The following SERPINB5 variants were observed in gnomAD, a reference collection of about 807,000 sequenced individuals.
SERPINB5 encodes serpin B5.
In SERPINB5, 27 loss-of-function variants were observed where a neutral mutation model predicts 32.2. That is an observed-to-expected ratio of 0.84 (90% CI 0.62 to 1.16). The LOEUF is 1.16. SERPINB5 is among the 50% of genes most tolerant of loss of function. SERPINB5 has a pLI of 0.00. For synonymous variants in SERPINB5, 154 were observed against 157.4 expected (o/e 0.98, Z 0.16); for missense variants, 388 against 436.3 (o/e 0.89, Z 0.99).
chr18:63,482,966 T>C (rs1431084990), intron 1 of SERPINB5, among the ~76,000 whole-genome samples: 1 of 152,128 alleles, frequency 6.6e-6, no homozygotes, highest in Admixed American at 6.5e-5. Flanking sequence ...AGAAGGGATG[T>C]CATATAGCCT....
chr18:63,481,806 A>G (rs1265966758), intron 1 of SERPINB5, among the ~76,000 whole-genome samples: 1 of 152,112 alleles, frequency 6.6e-6, no homozygotes, highest in Non-Finnish European at 1.5e-5. Context: ...GCCTCAGTAT[A>G]CCCTGCTGAC....
intron 5 of SERPINB5, chr18:63,497,501 A>G (rs1909476702): frequency 6.8e-6 from 2 of 292,926 alleles, no homozygotes; most frequent in South Asian, 5.2e-5. Flanking sequence ...ACGTTTCTGA[A>G]AAAAAAAAAA....
chr18:63,490,992 A>T (rs1909321477), intron 4 of SERPINB5, among the ~76,000 whole-genome samples: 1 of 151,880 alleles, frequency 6.6e-6, no homozygotes. Context: ...CTCTTCCCCC[A>T]CCCCACAAAG....
rs532565445 is a variant in SERPINB5, at chr18:63,493,273, G to GC, written c.567+185dup. 739 of 732,340 alleles carry GC rather than the reference G, an allele frequency of 1.0e-3. 6 individuals are homozygous for GC. The South Asian group carries it at 0.011, about 11-fold the overall frequency. The allele number at this position is 732,340 out of a possible 1,614,324, so 45.4% of individuals were successfully genotyped here. ...GTACAAAAAGAGCCAGAATCCAGAG[G>GC]CCCCCCCTCCTCTTTTCCATAATGT... On this transcript the variant is annotated intron_variant, in intron 5 of 6. Coordinates refer to ENST00000382771, the MANE Select transcript of SERPINB5 (RefSeq NM_002639.5).
Position 63,503,247 on chromosome 18 carries a change from T to C in SERPINB5, c.736-83T>C, listed in dbSNP as rs1909605940. 13 of 1,448,678 alleles carry C rather than the reference T, an allele frequency of 9.0e-6. No individual in the cohort carries two copies. The South Asian group carries it at 1.7e-4, about 19-fold the overall frequency. 89.7% of individuals were successfully genotyped at this position (1,448,678 alleles called of 1,614,324 possible). ...GACTGCTTTGAAGCTGGGCTTATCA[T>C]AACACCTTATGTTTTCAATTGAGCC... On this transcript the variant is annotated intron_variant, in intron 6 of 6. Coordinates refer to ENST00000382771, the MANE Select transcript of SERPINB5 (RefSeq NM_002639.5).
intron 1 of SERPINB5, among the ~76,000 whole-genome samples, chr18:63,481,291 A>G (rs547515619): frequency 1.3e-5 from 2 of 152,364 alleles, no homozygotes; most frequent in East Asian, 3.9e-4. Context: ...TCTCCTCACC[A>G]TTTGATCCAC....
chr18:63,497,279 A>T, intron 5 of SERPINB5: 1 of 1,129,110 alleles, frequency 8.9e-7, no homozygotes, highest in South Asian at 1.2e-5. Flanking sequence ...ATCATTGGTT[A>T]TTCCAGGAAC....
chr18:63,487,299 G>T (rs542580462), intron 3 of SERPINB5, among the ~76,000 whole-genome samples: 2 of 152,226 alleles, frequency 1.3e-5, no homozygotes, highest in Non-Finnish European at 2.9e-5. Context: ...AAGCTTATGG[G>T]CTTTCCTTTT....
At chr18:63,485,419 T>C (rs1353334299) in intron 2 of SERPINB5, among the ~76,000 whole-genome samples, 2 of 152,228 alleles carry the variant, frequency 1.3e-5, no homozygotes. Flanking sequence ...TATTAGCTCA[T>C]AAGCATTTAA....
rs372076697 is a variant in SERPINB5 at position 63,487,048 on chromosome 18, C to A, written c.271C>A (p.Arg91=). The A allele has an allele frequency of 5.1e-5, 82 of 1,613,906 alleles. 1 individual carries two copies. In the Admixed American group the frequency reaches 5.2e-4, roughly 10 times the overall value. The change falls in exon 3 of 7, where the codon CGG becomes AGG. Residue 91 remains arginine (R), a synonymous_variant. Coordinates refer to ENST00000382771, the MANE Select transcript of SERPINB5 (RefSeq NM_002639.5). ...CTTTTACTCACTGAAACTAATCAAG[C>A]GGCTCTACGTAGACAAATCTCTGAA... The part of the protein sequence containing the change: ...SSFYSLKLIK[R]LYVDKSLNLS...
chr18:63,495,718 A>G (rs1477676331), intron 5 of SERPINB5, among the ~76,000 whole-genome samples: 2 of 152,250 alleles, frequency 1.3e-5, no homozygotes, highest in Non-Finnish European at 2.9e-5. Context: ...CTATTAAATC[A>G]TAAAGCTGGG....
chr18:63,498,260 T>C lies in SERPINB5; in HGVS notation c.568-860T>C, dbSNP rs1372363645. Among the ~76,000 whole-genome samples the C allele has an allele frequency of 6.6e-6, 1 of 152,124 alleles. No individual in the cohort carries two copies. The highest frequency in any genetic ancestry group is 1.5e-5 in the Non-Finnish European group (1 of 68,022). ...GTGTGCCACCATGCCTGGCTGACTT[T>C]TGTATTTTTTAGTAGAGACAAGGTT... On this transcript the variant is annotated intron_variant, in intron 5 of 6. Coordinates refer to ENST00000382771, the MANE Select transcript of SERPINB5 (RefSeq NM_002639.5). This position sits in a 1 kb window ranked among gnomAD's most constrained non-coding sequence, Gnocchi z 4.2.
In SERPINB5 at chr18:63,498,205, T is replaced by C. The variant is rs1909490528; in HGVS notation, c.568-915T>C. ...CCCAGGCTCAAGCAATTCTCCTCCCTCAGTTTCCCAAGAAGCTGAGATTAC... is the reference window on the plus strand; with the variant it reads ...CCCAGGCTCAAGCAATTCTCCTCCCCCAGTTTCCCAAGAAGCTGAGATTAC... On this transcript the variant is annotated intron_variant, in intron 5 of 6. Transcript: ENST00000382771. This position sits in a 1 kb window ranked among gnomAD's most constrained non-coding sequence, Gnocchi z 4.2. 6.6e-6 allele frequency among the ~76,000 whole-genome samples: 1 copy of C among 152,164 alleles called. No individual in the cohort carries two copies. Among genetic ancestry groups the C allele is most frequent in the African/African-American group, 2.4e-5 (1 of 41,434 alleles).
Position 63,487,064 on chromosome 18 carries a change from A to T in SERPINB5, c.287A>T (p.Lys96Ile), listed in dbSNP as rs1347729626. 6.2e-7 allele frequency: 1 copy of T among 1,613,650 alleles called. No homozygotes were observed. The highest frequency in any genetic ancestry group is 1.7e-5 in the Admixed American group (1 of 59,926). Reference sequence around the variant, plus strand: ...CTAATCAAGCGGCTCTACGTAGACAAATCTCTGAATCTTTCTACAGTAAGT... The same window carrying T: ...CTAATCAAGCGGCTCTACGTAGACATATCTCTGAATCTTTCTACAGTAAGT... Reference protein sequence around the residue: ...LKLIKRLYVDKSLNLSTEFIS... With the variant: ...LKLIKRLYVDISLNLSTEFIS... Residue 96 changes from lysine (K) to isoleucine (I), a missense_variant, in exon 3 of 7, where the codon AAA becomes ATA. By Grantham distance (102) the Lys-to-Ile change is moderately radical. Coordinates refer to ENST00000382771, the MANE Select transcript of SERPINB5 (RefSeq NM_002639.5).
rs963379838 is a variant in SERPINB5 at position 63,504,612 on chromosome 18, C to T, written c.*890C>T. On this transcript the variant is annotated 3_prime_UTR_variant, in exon 7 of 7. Transcript: ENST00000382771. The stretch of plus-strand genomic sequence containing the variant: ...ATAAATTCACTTTCATTTTTGATAG[C>T]TGTCCCATCTGGTCATTTGGTTGGC... 2.0e-5 allele frequency: 3 copies of T among 152,172 alleles called. No homozygotes were observed. The highest frequency in any genetic ancestry group is 2.9e-5 in the Non-Finnish European group (2 of 68,026). The allele number at this position is 152,172 out of a possible 1,614,324, so 9.4% of individuals were successfully genotyped here.
At chr18:63,487,456 T>C (rs1422232482) in intron 3 of SERPINB5, among the ~76,000 whole-genome samples, 1 of 152,230 alleles carries the variant, frequency 6.6e-6, no homozygotes, top group Non-Finnish European at 1.5e-5. Flanking sequence ...TTCTTTCTCC[T>C]TAAAGAGCAG....
Position 63,489,914 on chromosome 18 carries a change from T to A in SERPINB5, c.424+450T>A, listed in dbSNP as rs1201943678. Among the ~76,000 whole-genome samples the A allele has an allele frequency of 2.1e-4, 32 of 152,186 alleles. 1 individual carries two copies. The highest frequency in any genetic ancestry group is 4.4e-5 in the Non-Finnish European group (3 of 68,034). On this transcript the variant is annotated intron_variant, in intron 4 of 6. Transcript: ENST00000382771. ...CAACATATGTAAAAGAAAAACCGGCTGGACGCGGTGGCTCACGCCTGTAAT... is the reference window on the plus strand; with the variant it reads ...CAACATATGTAAAAGAAAAACCGGCAGGACGCGGTGGCTCACGCCTGTAAT...
intron 2 of SERPINB5, 65 bp downstream of exon 2, chr18:63,484,661 C>T: frequency 7.1e-7 from 1 of 1,416,974 alleles, no homozygotes; most frequent in Non-Finnish European, 9.4e-7. Context: ...ATAGGCAGTG[C>T]CTACGGAAAA....
chr18:63,495,657 CGT>C (rs1436407905), intron 5 of SERPINB5, among the ~76,000 whole-genome samples: 1 of 152,122 alleles, frequency 6.6e-6, no homozygotes, highest in Non-Finnish European at 1.5e-5. Context: ...AAAGTATTAA[CGT>C]GTGTTTTTTG....
Sources: gnomAD v4.1 joint callset for allele counts (sites outside exome capture counted in the v4.1 genomes callset) on GRCh38, gnomAD v4.1.1 for gene constraint, Gnocchi (gnomAD v3.1) non-coding constraint, MANE v1.5 for transcripts, NCBI Gene and HGNC (gene_info 2026-07-23, HGNC 2026-07-21) for gene names.